Variants in LMNTD1 observed in about 807,000 individuals in gnomAD.
The protein encoded by LMNTD1 is lamin tail domain containing 1, also known as lamin tail domain-containing protein 1.
LMNTD1 carries 35 observed loss-of-function variants against 50.9 expected under a neutral mutation model. The observed-to-expected ratio is 0.69, with a 90% confidence interval of 0.53 to 0.91. The LOEUF (loss-of-function observed/expected upper bound fraction) is 0.91, where lower values mean the gene tolerates loss of function less well. Ranked by LOEUF, LMNTD1 falls within the 40% of genes least tolerant of loss-of-function variation. LMNTD1 has a pLI of 0.00. For missense variants in LMNTD1, 470 were observed against 475.5 expected (o/e 0.99, Z 0.11); for synonymous variants, 153 against 161.9 (o/e 0.94, Z 0.42).
intron 1 of LMNTD1, among the ~76,000 whole-genome samples, chr12:25,601,692 A>G (rs1945980019): frequency 6.6e-6 from 1 of 151,950 alleles, no homozygotes; most frequent in East Asian, 1.9e-4. Context: ...ACAAGATACA[A>G]GTTTATAAAG....
intron 1 of LMNTD1, among the ~76,000 whole-genome samples, chr12:25,636,657 A>G (rs554145142): frequency 2.9e-4 from 44 of 151,208 alleles, no homozygotes; most frequent in Non-Finnish European, 5.3e-4. Context: ...AAAAGAAGAC[A>G]TTATACGAAA....
intron 1 of LMNTD1, among the ~76,000 whole-genome samples, chr12:25,603,068 A>C (rs1946013772): frequency 6.6e-6 from 1 of 152,066 alleles, no homozygotes; most frequent in African/African-American, 2.4e-5. Context: ...GACACATCAC[A>C]ATAAGGTGTT....
At chr12:25,634,112 AC>A (rs978559326) in intron 1 of LMNTD1, among the ~76,000 whole-genome samples, 31 of 152,266 alleles carry the variant, frequency 2.0e-4, no homozygotes, top group African/African-American at 7.2e-4. Context: ...GAAAAATACA[AC>A]CCTTCTAGCT....
intron 4 of LMNTD1, among the ~76,000 whole-genome samples, chr12:25,531,494 TTTG>T (rs1942221372): frequency 6.6e-6 from 1 of 152,236 alleles, no homozygotes. Context: ...AGCCAATATT[TTTG>T]TTGTTTCTTT....
At chr12:25,534,013 C>T (rs969431181) in intron 4 of LMNTD1, among the ~76,000 whole-genome samples, 1 of 152,120 alleles carries the variant, frequency 6.6e-6, no homozygotes, top group African/African-American at 2.4e-5. Flanking sequence ...AGAAGTTAGC[C>T]TTCTTAATAT....
chr12:25,501,395 G>A (rs1939382157), intron 9 of LMNTD1, among the ~76,000 whole-genome samples: 2 of 152,156 alleles, frequency 1.3e-5, no homozygotes, highest in Non-Finnish European at 2.9e-5. Context: ...TGGAACAGTG[G>A]TAGCCCACTC....
chr12:25,487,961 C>A (rs2135914354), intron 9 of LMNTD1, among the ~76,000 whole-genome samples: 1 of 146,202 alleles, frequency 6.8e-6, no homozygotes, highest in East Asian at 2.1e-4. Context: ...AATATTGGCC[C>A]CCACTCTCTT....
chr12:25,616,075 C>T (rs1476258154), intron 1 of LMNTD1, among the ~76,000 whole-genome samples: 1 of 145,132 alleles, frequency 6.9e-6, no homozygotes, highest in Non-Finnish European at 1.5e-5. Flanking sequence ...CCTCACCCTC[C>T]CACCCCGACA....
intron 1 of LMNTD1, among the ~76,000 whole-genome samples, chr12:25,606,319 C>G (rs908639840): frequency 6.6e-5 from 10 of 152,290 alleles, no homozygotes; most frequent in African/African-American, 2.2e-4. Flanking sequence ...ATTGAATGCC[C>G]TTTATTTCCT....
At chr12:25,500,364 C>T (rs1939317094) in intron 9 of LMNTD1, among the ~76,000 whole-genome samples, 1 of 152,100 alleles carries the variant, frequency 6.6e-6, no homozygotes, top group African/African-American at 2.4e-5. Context: ...CTTGTCAGGT[C>T]CCAAGGAACA....
chr12:25,548,066 C>T (rs765196241), intron 3 of LMNTD1, among the ~76,000 whole-genome samples: 2 of 151,674 alleles, frequency 1.3e-5, no homozygotes, highest in Non-Finnish European at 3.0e-5. Flanking sequence ...CTTCCCAGAT[C>T]TAAAATTTGT....
rs758132219 is a variant in LMNTD1, at chr12:25,552,990, C to T, written c.-30-1G>A. On this transcript the variant is annotated splice_acceptor_variant, in intron 1 of 9. Coordinates refer to ENST00000458174, the MANE Select transcript of LMNTD1 (RefSeq NM_001145728.2). LOFTEE classifies it low-confidence loss of function (5UTR_SPLICE). The stretch of plus-strand genomic sequence containing the variant: ...CTAGAAAAGAAGTCTCTTTTCTTTC[C>T]TAGGAAAGCAGATCATGACATCAGA... 6.2e-7 allele frequency: 1 copy of T among 1,610,466 alleles called. No homozygotes were observed. Among genetic ancestry groups the T allele is most frequent in the South Asian group, 1.1e-5 (1 of 90,764 alleles).
At chr12:25,645,528 C>T (rs566786885) in intron 1 of LMNTD1, among the ~76,000 whole-genome samples, 6 of 152,240 alleles carry the variant, frequency 3.9e-5, no homozygotes, top group African/African-American at 1.2e-4. Context: ...GAGCCCAGCT[C>T]GCTAACATAG....
chr12:25,497,881 C>T (rs1939153148), intron 9 of LMNTD1: 1 of 151,928 alleles, frequency 6.6e-6, no homozygotes, highest in South Asian at 2.1e-4. Flanking sequence ...GTGTAATAAA[C>T]CAACAAAACT....
At chr12:25,608,957 C>A (rs952066046) in intron 1 of LMNTD1, among the ~76,000 whole-genome samples, 1 of 152,186 alleles carries the variant, frequency 6.6e-6, no homozygotes. Flanking sequence ...TTCAGGTACA[C>A]CAATCAAACG....
intron 1 of LMNTD1, among the ~76,000 whole-genome samples, chr12:25,564,327 C>T (rs375581294): frequency 5.9e-5 from 9 of 152,198 alleles, no homozygotes; most frequent in African/African-American, 1.4e-4. Flanking sequence ...GGCACAATCT[C>T]GGCTGACTGC....
At chr12:25,499,408 T>A (rs1322196741) in intron 9 of LMNTD1, among the ~76,000 whole-genome samples, 4 of 152,030 alleles carry the variant, frequency 2.6e-5, no homozygotes, top group Non-Finnish European at 5.9e-5. Flanking sequence ...GATTATTCAT[T>A]TTTTTTTCCC....
chr12:25,486,639 G>A (rs1292115879), intron 9 of LMNTD1, among the ~76,000 whole-genome samples: 2 of 149,864 alleles, frequency 1.3e-5, no homozygotes, highest in East Asian at 4.0e-4. Flanking sequence ...TTGGCTGTGG[G>A]TTTGTCATAG....
chr12:25,556,622 A>C (rs573263042), upstream of LMNTD1, among the ~76,000 whole-genome samples: 6 of 152,010 alleles, frequency 3.9e-5, no homozygotes, highest in African/African-American at 7.3e-5. Context: ...CTTTGCCTTT[A>C]CCCCGCGTTG....
Sources: allele counts gnomAD v4.1 joint callset (sites outside exome capture counted in the v4.1 genomes callset), GRCh38; gene constraint gnomAD v4.1.1; transcripts MANE v1.5; gene names NCBI Gene and HGNC (gene_info 2026-07-23, HGNC 2026-07-21).